NUDT3: variants seen among roughly 807,000 people sequenced by gnomAD.
NUDT3 encodes nudix hydrolase 3.
Under a neutral mutation model 23.6 loss-of-function variants are expected in NUDT3, and 9 were observed. The observed-to-expected ratio is 0.38, with a 90% CI of 0.23 to 0.66. The LOEUF (loss-of-function observed/expected upper bound fraction) is 0.66. NUDT3 is among the 30% of genes least tolerant of loss of function. The pLI, the probability that NUDT3 is intolerant of heterozygous loss-of-function variation, is 0.52. For missense variants in NUDT3, 172 were observed against 218.5 expected (o/e 0.79, Z 1.34); for synonymous variants, 86 against 82.6 (o/e 1.04, Z -0.22).
At chr6:34,317,981 TA>T (rs1468056916) in intron 2 of NUDT3, among the ~76,000 whole-genome samples, 1 of 152,086 alleles carries the variant, frequency 6.6e-6, no homozygotes, top group African/African-American at 2.4e-5. Context: ...TAATTTAAAT[TA>T]AAAAAATTAA....
At chr6:34,308,179 G>T (rs1763713081) in intron 2 of NUDT3, among the ~76,000 whole-genome samples, 1 of 134,554 alleles carries the variant, frequency 7.4e-6, no homozygotes, top group Non-Finnish European at 1.6e-5. Context: ...AGATAGGCCA[G>T]GTGCCAGGTG....
At chr6:34,321,207 G>A (rs1258367100) in intron 2 of NUDT3, among the ~76,000 whole-genome samples, 1 of 152,114 alleles carries the variant, frequency 6.6e-6, no homozygotes, top group Non-Finnish European at 1.5e-5. Flanking sequence ...GGAGGCCGAG[G>A]CAGGTGGATT....
intron 1 of NUDT3, among the ~76,000 whole-genome samples, chr6:34,371,019 G>A (rs2113759519): frequency 1.3e-5 from 2 of 152,030 alleles, no homozygotes; most frequent in Middle Eastern, 3.4e-3. Context: ...GCTAAGGCAG[G>A]AGAATCGCTT....
chr6:34,328,425 A>G (rs935948472), intron 2 of NUDT3, among the ~76,000 whole-genome samples: 5 of 152,234 alleles, frequency 3.3e-5, no homozygotes, highest in African/African-American at 9.6e-5. Flanking sequence ...ACTATAGCTT[A>G]CCATTTTTTT....
intron 2 of NUDT3, among the ~76,000 whole-genome samples, chr6:34,296,854 G>A (rs78215740): frequency 0.094 from 14,321 of 151,824 alleles, 786 homozygotes; most frequent in Non-Finnish European, 0.12. Context: ...ATTCTGCTAC[G>A]GGTAAGTATC....
intron 1 of NUDT3, among the ~76,000 whole-genome samples, chr6:34,383,257 G>T (rs910718490): frequency 4.6e-5 from 7 of 151,862 alleles, no homozygotes; most frequent in Non-Finnish European, 1.0e-4. Flanking sequence ...AAACACATCA[G>T]AAATATGTTA....
chr6:34,370,393 T>C (rs1439195548), intron 1 of NUDT3, among the ~76,000 whole-genome samples: 1 of 152,154 alleles, frequency 6.6e-6, no homozygotes, highest in Non-Finnish European at 1.5e-5. Context: ...CGGCTACAAC[T>C]CCAGATACAA....
chr6:34,385,747 G>C (rs1581905131), intron 1 of NUDT3, among the ~76,000 whole-genome samples: 1 of 150,874 alleles, frequency 6.6e-6, no homozygotes, highest in East Asian at 1.9e-4. Context: ...GCAGTGGCGT[G>C]CTGTTGGCTC....
rs1426670979 is a variant in NUDT3 at position 34,288,826 on chromosome 6, G to A, written c.446C>T (p.Ala149Val). Reference sequence around the variant, plus strand: ...GGCCACGACTGGGGTGCCATTGTTGGCTGAGTAGCCTTGCCTCAATGTTTC... The same window carrying A: ...GGCCACGACTGGGGTGCCATTGTTGACTGAGTAGCCTTGCCTCAATGTTTC... ...YFETLRQGYSANNGTPVVATT... is the reference protein window; with the variant it reads ...YFETLRQGYSVNNGTPVVATT... The change falls in exon 5 of 5, where the codon GCC becomes GTC. Residue 149 changes from alanine (A) to valine (V), a missense_variant. Ala to Val is a moderately conservative substitution (Grantham distance 64). Transcript: ENST00000607016. 1 of 1,613,988 alleles carries A rather than the reference G, an allele frequency of 6.2e-7. No homozygotes were observed. The highest frequency in any genetic ancestry group is 1.7e-5 in the Admixed American group (1 of 59,986).
chr6:34,377,523 TAA>T (rs1238084997), intron 1 of NUDT3, among the ~76,000 whole-genome samples: 1 of 152,198 alleles, frequency 6.6e-6, no homozygotes, highest in Non-Finnish European at 1.5e-5. Flanking sequence ...AGGATAATTC[TAA>T]AAAGAGAATT....
rs908581011 is a variant in NUDT3 at position 34,392,239 on chromosome 6, C to T, written c.99+25G>A. ...GAAGGGGCCGGAGACCCGGCGACCCCGGCCCGCCCAGCCTGCCGCCTCACC... is the reference window on the plus strand; with the variant it reads ...GAAGGGGCCGGAGACCCGGCGACCCTGGCCCGCCCAGCCTGCCGCCTCACC... On this transcript the variant is annotated intron_variant, in intron 1 of 4. Coordinates refer to ENST00000607016, the MANE Select transcript of NUDT3 (RefSeq NM_006703.4). The T allele has an allele frequency of 1.3e-5, 20 of 1,550,558 alleles. No homozygotes were observed. The Admixed American group carries it at 3.2e-4, about 25-fold the overall frequency.
intron 1 of NUDT3, among the ~76,000 whole-genome samples, chr6:34,361,274 A>T (rs1468551634): frequency 1.3e-5 from 2 of 152,318 alleles, no homozygotes; most frequent in East Asian, 3.9e-4. Context: ...ATATAAAAAG[A>T]TGTTTCACAT....
intron 2 of NUDT3, among the ~76,000 whole-genome samples, chr6:34,311,075 C>CT (rs1763765178): frequency 6.6e-6 from 1 of 151,016 alleles, no homozygotes. Context: ...AAAACTATCG[C>CT]TAACATCATG....
chr6:34,386,328 A>T (rs1365893402), intron 1 of NUDT3, among the ~76,000 whole-genome samples: 1 of 152,218 alleles, frequency 6.6e-6, no homozygotes, highest in Non-Finnish European at 1.5e-5. Context: ...TTTCCTGTTA[A>T]TTTTTGTTTG....
chr6:34,320,572 C>T (rs932699115), intron 2 of NUDT3, among the ~76,000 whole-genome samples: 12 of 152,120 alleles, frequency 7.9e-5, no homozygotes, highest in Admixed American at 3.9e-4. Context: ...AGTGACTTAA[C>T]GCCTGTAATC....
rs1035397239 is a variant in NUDT3 at position 34,279,817 on chromosome 6, T to C, written c.*8936A>G. On this transcript the variant is annotated 3_prime_UTR_variant, in exon 5 of 5. Coordinates refer to ENST00000607016, the MANE Select transcript of NUDT3 (RefSeq NM_006703.4). ...AACGGCAGGCTCACAGGTTTAAGCATTTGTTTTTACAAAAAGGAGTGGGAT... is the reference window on the plus strand; with the variant it reads ...AACGGCAGGCTCACAGGTTTAAGCACTTGTTTTTACAAAAAGGAGTGGGAT... 2.6e-5 allele frequency: 4 copies of C among 152,368 alleles called. No individual in the cohort carries two copies. Among genetic ancestry groups the C allele is most frequent in the East Asian group, 1.9e-4 (1 of 5,196 alleles). 9.4% of individuals were successfully genotyped at this position (152,368 alleles called of 1,614,324 possible).
In NUDT3 at chr6:34,280,198, T is replaced by G. The variant is rs1188782595; in HGVS notation, c.*8555A>C. 6.6e-6 allele frequency: 1 copy of G among 152,112 alleles called. No individual in the cohort carries two copies. Among genetic ancestry groups the G allele is most frequent in the African/African-American group, 2.4e-5 (1 of 41,408 alleles). The allele number at this position is 152,112 out of a possible 1,614,324, so 9.4% of individuals were successfully genotyped here. A position where few individuals can be genotyped will look rare whatever the true frequency, so the allele number is the denominator to read the frequency against. On this transcript the variant is annotated 3_prime_UTR_variant, in exon 5 of 5. Transcript: ENST00000607016. ...TTCCTTCCGCCTTCTCTGGACCAAA[T>G]TTCACTCCCCTCAGCTCCAGAGAGT...
chr6:34,383,655 T>C (rs909210434), intron 1 of NUDT3, among the ~76,000 whole-genome samples: 1 of 152,132 alleles, frequency 6.6e-6, no homozygotes, highest in Non-Finnish European at 1.5e-5. Flanking sequence ...AAGATATAGA[T>C]TGCTTCAGAC....
rs150349878 is a variant in NUDT3, at chr6:34,293,496, T to C, written c.295A>G (p.Ile99Val). ...CAGTCTTCCAGCACTTCAGTGACAA[T>C]GAGCACATAGACATACGTCCTGTGC... ...RKHRTYVYVLIVTEVLEDWED... is the reference protein window; with the variant it reads ...RKHRTYVYVLVVTEVLEDWED... Residue 99 changes from isoleucine (I) to valine (V), a missense_variant, in exon 4 of 5, where the codon ATT (isoleucine) becomes GTT (valine). This residue lies in a region of NUDT3 where 59 missense variants were observed against 107.4 expected (regional missense o/e 0.55). Transcript: ENST00000607016. The C allele has an allele frequency of 1.2e-6, 2 of 1,614,188 alleles. No homozygotes were observed.
Sources: allele counts gnomAD v4.1 joint callset (sites outside exome capture counted in the v4.1 genomes callset), GRCh38; gene constraint gnomAD v4.1.1; regional missense constraint gnomAD v4.1.1; transcripts MANE v1.5; gene names NCBI Gene and HGNC (gene_info 2026-07-23, HGNC 2026-07-21).